Variants in NTN1 observed in about 807,000 individuals in gnomAD.
The protein encoded by NTN1 is netrin 1.
NTN1 carries 11 observed loss-of-function variants against 54.2 expected under a neutral mutation model. That is an observed-to-expected ratio of 0.20 (90% CI 0.13 to 0.34). The LOEUF (loss-of-function observed/expected upper bound fraction) is 0.34. Among genes scored for constraint, NTN1 ranks in the 10% least tolerant of loss-of-function variants. The pLI, the probability that NTN1 is intolerant of heterozygous loss-of-function variation, is 1.00. For synonymous variants in NTN1, 371 were observed against 382.0 expected (o/e 0.97, Z 0.33); for missense variants, 740 against 893.1 (o/e 0.83, Z 2.18).
intron 3 of NTN1, among the ~76,000 whole-genome samples, chr17:9,172,439 A>G (rs62068195): frequency 0.17 from 25,654 of 152,056 alleles, 2,312 homozygotes; most frequent in East Asian, 0.38. Context: ...AGATCACACC[A>G]CTGCACTCCA....
chr17:9,128,502 C>A (rs1430540353), intron 2 of NTN1, among the ~76,000 whole-genome samples: 1 of 152,174 alleles, frequency 6.6e-6, no homozygotes, highest in Non-Finnish European at 1.5e-5. Flanking sequence ...TTGGCCCATG[C>A]ACTTCTCCTT....
Position 9,048,718 on chromosome 17 carries a change from G to A in NTN1, c.1018+25327G>A, listed in dbSNP as rs140348649. On this transcript the variant is annotated intron_variant, in intron 2 of 6. Coordinates refer to ENST00000173229, the MANE Select transcript of NTN1 (RefSeq NM_004822.3). ...GTCACCCAGGCTGGAGTGCAGTGGC[G>A]CAATCTTGGCTCATTGTAACTTCTG... 5.4e-3 allele frequency among the ~76,000 whole-genome samples: 824 copies of A among 151,746 alleles called. 8 individuals are homozygous for A. Among genetic ancestry groups the A allele is most frequent in the African/African-American group, 0.019 (779 of 41,364 alleles).
chr17:9,126,901 TC>T (rs2092249112), intron 2 of NTN1, among the ~76,000 whole-genome samples: 1 of 152,118 alleles, frequency 6.6e-6, no homozygotes, highest in Non-Finnish European at 1.5e-5. Context: ...ACTCATGGGC[TC>T]ATTTTCACTT....
At chr17:9,094,840 T>C (rs1330791724) in intron 2 of NTN1, among the ~76,000 whole-genome samples, 1 of 151,840 alleles carries the variant, frequency 6.6e-6, no homozygotes, top group African/African-American at 2.4e-5. Flanking sequence ...AATACAAAAA[T>C]TAGCCAGGCA....
chr17:9,193,714 G>A (rs1272552931), intron 5 of NTN1, among the ~76,000 whole-genome samples: 1 of 151,786 alleles, frequency 6.6e-6, no homozygotes, highest in African/African-American at 2.4e-5. Flanking sequence ...CCTGAGGTCG[G>A]GAGTTTGAGA....
At chr17:9,006,562 G>A in the NTN1 span, among the ~76,000 whole-genome samples, 261 of 152,254 alleles carry the variant, frequency 1.7e-3, no homozygotes, top group African/African-American at 5.8e-3. Context: ...TTTTGATGAT[G>A]GCAAGGACAT....
chr17:9,029,948 C>T (rs994179888), intron 2 of NTN1, among the ~76,000 whole-genome samples: 5 of 151,954 alleles, frequency 3.3e-5, no homozygotes, highest in Admixed American at 3.3e-4. Flanking sequence ...GCTGAGATTG[C>T]CCCACTGCAC....
At chr17:9,117,808 G>A (rs996532826) in intron 2 of NTN1, among the ~76,000 whole-genome samples, 1 of 150,118 alleles carries the variant, frequency 6.7e-6, no homozygotes, top group Non-Finnish European at 1.5e-5. Flanking sequence ...TGTGCACGGC[G>A]TGTCATCCCC....
intron 2 of NTN1, among the ~76,000 whole-genome samples, chr17:9,038,008 TC>T (rs983276454): frequency 3.9e-5 from 6 of 152,170 alleles, no homozygotes; most frequent in Non-Finnish European, 7.3e-5. Context: ...CTGTTCCAGC[TC>T]CCAGGCCTCC....
chr17:9,061,901 C>T (rs8082460), intron 2 of NTN1, among the ~76,000 whole-genome samples: 47,055 of 151,756 alleles, frequency 0.31, 7,478 homozygotes, highest in East Asian at 0.42. Flanking sequence ...GACGGTGTTT[C>T]ACCATGTTGG....
In NTN1 at chr17:9,023,346, C is replaced by T; in HGVS notation, c.973C>T (p.Arg325Trp). The T allele has an allele frequency of 6.7e-7, 1 of 1,503,398 alleles. No individual in the cohort carries two copies. The highest frequency in any genetic ancestry group is 8.9e-7 in the Non-Finnish European group (1 of 1,125,438). The allele number at this position is 1,503,398 out of a possible 1,614,324, so 93.1% of individuals were successfully genotyped here. The change falls in exon 2 of 7, where the codon CGG becomes TGG. Residue 325 changes from arginine to tryptophan, a missense_variant. Coordinates refer to ENST00000173229, the MANE Select transcript of NTN1 (RefSeq NM_004822.3). ...CDRCKPFHYD[R>W]PWQRATAREA... ...CCGCTGCAAGCCCTTCCACTACGAC[C>T]GGCCCTGGCAGCGCGCCACAGCCCG...
intron 2 of NTN1, among the ~76,000 whole-genome samples, chr17:9,109,001 C>T (rs909483461): frequency 1.3e-5 from 2 of 151,950 alleles, no homozygotes; most frequent in African/African-American, 2.4e-5. Flanking sequence ...CTCAGCCTAC[C>T]GAGTAGCTGG....
chr17:9,193,943 A>AAC (rs58256134), intron 5 of NTN1, among the ~76,000 whole-genome samples: 2 of 146,648 alleles, frequency 1.4e-5, no homozygotes, highest in African/African-American at 5.2e-5. Context: ...AAAAAAAAAA[A>AAC]ACATTATGCA....
chr17:9,162,708 A>G, intron 2 of NTN1, 105 bp from the exon 3 acceptor site: 1 of 1,044,538 alleles, frequency 9.6e-7, no homozygotes, highest in Non-Finnish European at 1.4e-6. Context: ...TGGCTCTGCT[A>G]GTGGAGAAGG....
rs139309089 is a variant in NTN1, at chr17:9,074,728, G to A, written c.1018+51337G>A. On this transcript the variant is annotated intron_variant, in intron 2 of 6. Coordinates refer to ENST00000173229, the MANE Select transcript of NTN1 (RefSeq NM_004822.3). Reference sequence around the variant, plus strand: ...TCCAAAGACAACATCACCTAGGCATGATCACTGAGCCTGTTCACCAGATTT... The same window carrying A: ...TCCAAAGACAACATCACCTAGGCATAATCACTGAGCCTGTTCACCAGATTT... Among the ~76,000 whole-genome samples the A allele has an allele frequency of 4.6e-5, 7 of 152,282 alleles. No homozygotes were observed. The East Asian group carries it at 9.7e-4, about 21-fold the overall frequency.
chr17:9,111,698 T>C (rs2092191619), intron 2 of NTN1, among the ~76,000 whole-genome samples: 1 of 152,214 alleles, frequency 6.6e-6, no homozygotes, highest in South Asian at 2.1e-4. Context: ...TTGCATGTTA[T>C]ATGTATTATA....
chr17:9,043,187 T>G (rs2091928389), intron 2 of NTN1, among the ~76,000 whole-genome samples: 1 of 152,222 alleles, frequency 6.6e-6, no homozygotes. Context: ...TATATCACCT[T>G]TCTAATTGCT....
upstream of NTN1, among the ~76,000 whole-genome samples, chr17:9,017,652 C>A (rs2091834644): frequency 6.6e-6 from 1 of 152,210 alleles, no homozygotes; most frequent in South Asian, 2.1e-4. Context: ...GCATTCCTTG[C>A]AGAAACACCT....
chr17:9,132,600 C>T (rs938684974), intron 2 of NTN1, among the ~76,000 whole-genome samples: 12 of 152,046 alleles, frequency 7.9e-5, no homozygotes, highest in African/African-American at 2.2e-4. Flanking sequence ...TCCGGCCAGG[C>T]GCAGTGGCTC....
Sources: allele counts gnomAD v4.1 joint callset (sites outside exome capture counted in the v4.1 genomes callset), GRCh38; gene constraint gnomAD v4.1.1; transcripts MANE v1.5; gene names NCBI Gene and HGNC (gene_info 2026-07-23, HGNC 2026-07-21).